Variants in PLCG2 observed in about 807,000 individuals in gnomAD.
PLCG2 encodes the protein 1-phosphatidylinositol 4,5-bisphosphate phosphodiesterase gamma-2.
Under a neutral mutation model 175.6 loss-of-function variants are expected in PLCG2, and 69 were observed. The ratio of observed to expected loss-of-function variants is 0.39; its 90% CI spans 0.32 to 0.48. The LOEUF is 0.48. PLCG2 is among the 20% of genes least tolerant of loss of function. PLCG2 has a pLI of 0.91. For synonymous variants in PLCG2, 827 were observed against 624.0 expected (o/e 1.33, Z -4.85); for missense variants, 1,798 against 1,650.9 (o/e 1.09, Z -1.54).
chr16:81,809,504 C>G (rs1428088475), intron 2 of PLCG2, among the ~76,000 whole-genome samples: 1 of 152,180 alleles, frequency 6.6e-6, no homozygotes, highest in African/African-American at 2.4e-5. Flanking sequence ...CACCCCATTC[C>G]CCTTGCAGTG....
chr16:81,892,652 TA>T (rs5818359), intron 11 of PLCG2, among the ~76,000 whole-genome samples: 12 of 150,230 alleles, frequency 8.0e-5, no homozygotes, highest in African/African-American at 1.2e-4. Flanking sequence ...AATACAAACT[TA>T]AAAAAAAAAC....
At chr16:81,856,506 G>T (rs1278647042) in intron 3 of PLCG2, among the ~76,000 whole-genome samples, 1 of 152,188 alleles carries the variant, frequency 6.6e-6, no homozygotes, top group African/African-American at 2.4e-5. Context: ...CTGGGTATTA[G>T]CAAGCTCTAC....
At chr16:81,865,286 G>A (rs1907173207) in intron 5 of PLCG2, among the ~76,000 whole-genome samples, 1 of 152,142 alleles carries the variant, frequency 6.6e-6, no homozygotes. Flanking sequence ...TGAGCCGTTG[G>A]CTTCCTCCCC....
At chr16:81,894,044 A>G (rs1212857200) in intron 12 of PLCG2, among the ~76,000 whole-genome samples, 2 of 150,858 alleles carry the variant, frequency 1.3e-5, no homozygotes, top group Non-Finnish European at 1.5e-5. Context: ...AGGAAGGCAA[A>G]CAGACACCCG....
chr16:81,881,004 C>G, intron 8 of PLCG2, 51 bp downstream of exon 8: 1 of 1,577,974 alleles, frequency 6.3e-7, no homozygotes. Context: ...GACCTCGGTG[C>G]CTGGTGCCCA....
At chr16:81,937,640 A>T in intron 27 of PLCG2, 118 bp from the exon 28 acceptor site, 1 of 828,626 alleles carries the variant, frequency 1.2e-6, no homozygotes, top group Non-Finnish European at 1.9e-6. Flanking sequence ...CTATTTGAAC[A>T]GCTGCCTCAC....
intron 22 of PLCG2, among the ~76,000 whole-genome samples, chr16:81,924,118 C>G (rs560876796): frequency 6.6e-6 from 1 of 152,218 alleles, no homozygotes; most frequent in Non-Finnish European, 1.5e-5. Context: ...GAAGACAATA[C>G]GTTTTTCGTG....
intron 25 of PLCG2, 29 bp from the exon 26 acceptor site, chr16:81,934,400 G>T (rs372990360): frequency 7.3e-7 from 1 of 1,372,018 alleles, no homozygotes; most frequent in Non-Finnish European, 1.0e-6. Flanking sequence ...TCTCGGGGGC[G>T]GGCACTAAAG....
intron 30 of PLCG2, among the ~76,000 whole-genome samples, chr16:81,941,447 T>C (rs928126077): frequency 3.9e-5 from 6 of 152,198 alleles, no homozygotes; most frequent in African/African-American, 1.4e-4. Context: ...GGTGCTTGGA[T>C]GGCACTTTGA....
At position 81,928,540 on chromosome 16, in the gene PLCG2, T is replaced by C. The variant is rs1441588253; in HGVS notation, c.2515-18T>C. On this transcript the variant is annotated intron_variant, in intron 23 of 32. Coordinates refer to ENST00000564138, the MANE Select transcript of PLCG2 (RefSeq NM_002661.5). ...TTCCCGTTACAACTAACGTGAGTTATGTCTTGTTTCTTCACAGATTATTGA... is the reference window on the plus strand; with the variant it reads ...TTCCCGTTACAACTAACGTGAGTTACGTCTTGTTTCTTCACAGATTATTGA... The C allele has an allele frequency of 1.3e-6, 2 of 1,543,562 alleles. No individual in the cohort carries two copies. Among genetic ancestry groups the C allele is most frequent in the Admixed American group, 3.3e-5 (2 of 59,952 alleles).
At chr16:81,798,627 A>T (rs4265800) in intron 2 of PLCG2, 98,969 of 152,270 alleles carry the variant, frequency 0.65, 32,531 homozygotes, top group East Asian at 0.88. Flanking sequence ...GTTGTGCTGG[A>T]GGCCAGGGGT....
chr16:81,767,638 TTC>T (rs142362712), intron 2 of PLCG2: 128 of 152,274 alleles, frequency 8.4e-4, no homozygotes, highest in African/African-American at 3.1e-3. Flanking sequence ...TGATATACAG[TTC>T]TGAGGTTTTT....
At chr16:81,835,942 G>A (rs1905492479) in intron 2 of PLCG2, among the ~76,000 whole-genome samples, 1 of 152,088 alleles carries the variant, frequency 6.6e-6, no homozygotes, top group African/African-American at 2.4e-5. Context: ...GTAGTCTTGG[G>A]TTAGGACCCA....
At chr16:81,803,775 G>A (rs544583119) in intron 2 of PLCG2, among the ~76,000 whole-genome samples, 2 of 151,446 alleles carry the variant, frequency 1.3e-5, no homozygotes, top group African/African-American at 2.4e-5. Flanking sequence ...TCTACCTCCT[G>A]GATTCAAGTG....
At chr16:81,886,472 A>T (rs1255567850) in intron 9 of PLCG2, among the ~76,000 whole-genome samples, 14 of 152,232 alleles carry the variant, frequency 9.2e-5, no homozygotes, top group Admixed American at 9.2e-4. Flanking sequence ...ACTCGATTCT[A>T]TATCTGGAGT....
intron 2 of PLCG2, among the ~76,000 whole-genome samples, chr16:81,810,497 G>C (rs1416097195): frequency 6.6e-6 from 1 of 152,204 alleles, no homozygotes; most frequent in Non-Finnish European, 1.5e-5. Context: ...TGGTGATGCA[G>C]ACTGGTGAAA....
In PLCG2 at chr16:81,910,515, C is replaced by A; in HGVS notation, c.1734-5C>A. The A allele has an allele frequency of 6.2e-7, 1 of 1,613,588 alleles. No individual in the cohort carries two copies. The highest frequency in any genetic ancestry group is 8.5e-7 in the Non-Finnish European group (1 of 1,179,848). On this transcript the variant is annotated splice_polypyrimidine_tract_variant and splice_region_variant and intron_variant, in intron 17 of 32. Transcript: ENST00000564138. ...CCCAGCACTGATGGCGTCCTCTCCCCGCAGGCGGTCAGGCCGGGTCCAGCA... is the reference window on the plus strand; with the variant it reads ...CCCAGCACTGATGGCGTCCTCTCCCAGCAGGCGGTCAGGCCGGGTCCAGCA...
chr16:81,884,438 A>G (rs1908254005), intron 9 of PLCG2, among the ~76,000 whole-genome samples: 2 of 152,156 alleles, frequency 1.3e-5, no homozygotes, highest in African/African-American at 4.8e-5. Flanking sequence ...AGTGCTGAGG[A>G]CAAGAAACTC....
intron 1 of PLCG2, among the ~76,000 whole-genome samples, chr16:81,748,192 A>G (rs982117682): frequency 6.6e-6 from 1 of 152,080 alleles, no homozygotes; most frequent in Non-Finnish European, 1.5e-5. Context: ...TTAGTTTGAG[A>G]TAGCCTGGCC....
Sources: allele counts gnomAD v4.1 joint callset (sites outside exome capture counted in the v4.1 genomes callset), GRCh38; gene constraint gnomAD v4.1.1; transcripts MANE v1.5; gene names NCBI Gene and HGNC (gene_info 2026-07-23, HGNC 2026-07-21).